The following RIPK1 variants were observed in gnomAD, a reference collection of about 807,000 sequenced individuals.
The protein encoded by RIPK1 is receptor-interacting serine/threonine-protein kinase 1.
In RIPK1, 27 loss-of-function variants were observed where a neutral mutation model predicts 62.4. That is an observed-to-expected ratio of 0.43 (90% CI 0.32 to 0.60). The LOEUF (loss-of-function observed/expected upper bound fraction) is 0.60. RIPK1 is among the 20% of genes least tolerant of loss of function. RIPK1 has a pLI of 0.07. For synonymous variants in RIPK1, 287 were observed against 303.2 expected (o/e 0.95, Z 0.55); for missense variants, 735 against 831.0 (o/e 0.88, Z 1.42).
At chr6:3,089,253 C>G (rs1190618952) in intron 6 of RIPK1, among the ~76,000 whole-genome samples, 1 of 152,172 alleles carries the variant, frequency 6.6e-6, no homozygotes, top group Non-Finnish European at 1.5e-5. Flanking sequence ...GGAACAGAAA[C>G]ATGGAGTTCG....
chr6:3,064,356 C>T (rs1758285952), upstream of RIPK1, among the ~76,000 whole-genome samples: 1 of 152,232 alleles, frequency 6.6e-6, no homozygotes, highest in Non-Finnish European at 1.5e-5. Context: ...ACCTGCCGGC[C>T]CTGTGTTCTC....
chr6:3,103,114 A>G (rs1173317344), intron 7 of RIPK1, among the ~76,000 whole-genome samples: 4 of 151,922 alleles, frequency 2.6e-5, no homozygotes, highest in African/African-American at 9.7e-5. Flanking sequence ...GAGCATCTTC[A>G]TGGCTTATTG....
intron 1 of RIPK1, among the ~76,000 whole-genome samples, chr6:3,069,491 G>A (rs1201189780): frequency 2.0e-5 from 3 of 152,174 alleles, no homozygotes; most frequent in Admixed American, 2.0e-4. Flanking sequence ...GTCTGGGGTT[G>A]TTAGTTCTTT....
At chr6:3,100,131 A>G (rs1393741125) in intron 7 of RIPK1, among the ~76,000 whole-genome samples, 2 of 152,306 alleles carry the variant, frequency 1.3e-5, no homozygotes, top group East Asian at 3.9e-4. Context: ...TTAAAGATAT[A>G]TATATTTTGG....
In RIPK1 at chr6:3,105,623, A is replaced by G; in HGVS notation, c.1148A>G (p.Asn383Ser). The G allele has an allele frequency of 1.2e-6, 2 of 1,614,128 alleles. No individual in the cohort carries two copies. Among genetic ancestry groups the G allele is most frequent in the Non-Finnish European group, 1.7e-6 (2 of 1,180,006 alleles). The stretch of plus-strand genomic sequence containing the variant: ...CAGAGTAAACTCCAAGACGAAGCCA[A>G]CTACCATCTTTATGGCAGCCGCATG... ...SLQSKLQDEA[N>S]YHLYGSRMDR... The change falls in exon 9 of 11, where the codon AAC becomes AGC. Residue 383 changes from asparagine to serine, a missense_variant. This residue lies in a region of RIPK1 where 671 missense variants were observed against 726.2 expected (regional missense o/e 0.92). Coordinates refer to ENST00000259808, the MANE Select transcript of RIPK1 (RefSeq NM_001354930.2). The surrounding 1 kb of genome is among the most constrained non-coding windows in gnomAD (Gnocchi z 4.5).
chr6:3,073,301 C>T (rs1239748139), intron 1 of RIPK1, among the ~76,000 whole-genome samples: 1 of 151,426 alleles, frequency 6.6e-6, no homozygotes, highest in Non-Finnish European at 1.5e-5. Flanking sequence ...TATACGTATA[C>T]ATACATGAAC....
intron 7 of RIPK1, among the ~76,000 whole-genome samples, chr6:3,094,547 G>A (rs1263460428): frequency 1.3e-5 from 2 of 149,502 alleles, no homozygotes; most frequent in East Asian, 3.9e-4. Context: ...TTGCAAAGGA[G>A]TACTTAATAT....
chr6:3,067,366 A>T (rs1466996029), upstream of RIPK1, among the ~76,000 whole-genome samples: 1 of 152,164 alleles, frequency 6.6e-6, no homozygotes, highest in Non-Finnish European at 1.5e-5. Flanking sequence ...CTAGGAATGT[A>T]TGGGAGTTCC....
upstream of RIPK1, among the ~76,000 whole-genome samples, chr6:3,065,403 A>G (rs1474202336): frequency 6.6e-6 from 1 of 150,900 alleles, no homozygotes; most frequent in African/African-American, 2.4e-5. Context: ...GGGAGCACAG[A>G]TGAGGTGTCC....
At chr6:3,067,965 A>C (rs1758459093), upstream of RIPK1, 1 of 152,838 alleles carries the variant, frequency 6.5e-6, no homozygotes, top group African/African-American at 2.4e-5. Context: ...GCTGGTCTCG[A>C]ACTGCTGACC....
intron 3 of RIPK1, 138 bp from the exon 4 acceptor site, chr6:3,080,841 A>C: frequency 2.0e-6 from 1 of 495,932 alleles, no homozygotes; most frequent in Non-Finnish European, 3.5e-6. Flanking sequence ...CAGTGACAGC[A>C]GTACTGTGGT....
intron 2 of RIPK1, among the ~76,000 whole-genome samples, chr6:3,077,344 A>AATT (rs1219187196): frequency 6.6e-6 from 1 of 152,156 alleles, no homozygotes; most frequent in Non-Finnish European, 1.5e-5. Context: ...CTAAGTATAA[A>AATT]AATGAAAAGG....
At position 3,110,826 on chromosome 6, in the gene RIPK1, T is replaced by C; in HGVS notation, c.1600T>C (p.Tyr534His). ...PTDESIKYTIYNSTGIQIGAY... is the reference protein window; with the variant it reads ...PTDESIKYTIHNSTGIQIGAY... ...AGATGAATCTATAAAATATACCATA[T>C]ACAATAGTACTGGCATTCAGATTGG... Residue 534 changes from tyrosine to histidine, a missense_variant, in exon 10 of 11, where the codon TAC becomes CAC. Physicochemically the swap from Tyr to His is moderately conservative, Grantham distance 83 (BLOSUM62 2). This residue lies in a region of RIPK1 where 671 missense variants were observed against 726.2 expected (regional missense o/e 0.92). Transcript: ENST00000259808. 4 of 1,585,658 alleles carry C rather than the reference T, an allele frequency of 2.5e-6. No homozygotes were observed. Among genetic ancestry groups the C allele is most frequent in the Non-Finnish European group, 3.5e-6 (4 of 1,154,478 alleles).
At position 3,113,356 on chromosome 6, in the gene RIPK1, G is replaced by C. The variant is rs1408651329; in HGVS notation, c.*17G>C. ...CAGAACTAACCCTGGATGGGCTACGGCAGCTGAAGTGGACGCCTCACTTAG... is the reference window on the plus strand; with the variant it reads ...CAGAACTAACCCTGGATGGGCTACGCCAGCTGAAGTGGACGCCTCACTTAG... On this transcript the variant is annotated 3_prime_UTR_variant, in exon 11 of 11. Transcript: ENST00000259808. This position sits in a 1 kb window ranked among gnomAD's most constrained non-coding sequence, Gnocchi z 5.0. 1.9e-6 allele frequency: 3 copies of C among 1,606,052 alleles called. No homozygotes were observed. In the South Asian group the frequency reaches 3.3e-5, roughly 18 times the overall value.
chr6:3,109,829 C>G (rs1472623417), intron 9 of RIPK1, among the ~76,000 whole-genome samples: 1 of 152,196 alleles, frequency 6.6e-6, no homozygotes, highest in Non-Finnish European at 1.5e-5. Context: ...CCATTCTACT[C>G]TCTGTTTCTG....
Position 3,113,278 on chromosome 6 carries a change from C to T in RIPK1, c.1955C>T (p.Ala652Val), listed in dbSNP as rs115355023. The change falls in exon 11 of 11, where the codon GCG becomes GTG. Residue 652 changes from alanine (A) to valine (V), a missense_variant. By Grantham distance (64) the Ala-to-Val change is moderately conservative. This residue lies in a region of RIPK1 where 64 missense variants were observed against 104.8 expected (regional missense o/e 0.61). Transcript: ENST00000259808. The surrounding 1 kb of genome is among the most constrained non-coding windows in gnomAD (Gnocchi z 5.0). ...KGATVGKLAQ[A>V]LHQCSRIDLL... The stretch of plus-strand genomic sequence containing the variant: ...GCCACGGTGGGGAAGCTGGCCCAGG[C>T]GCTCCACCAGTGTTCCAGGATCGAC... 4.0e-5 allele frequency: 65 copies of T among 1,613,986 alleles called. No individual in the cohort carries two copies. In the East Asian group the frequency reaches 7.6e-4, roughly 19 times the overall value.
chr6:3,090,826 A>ACCTGCCGCACCTAGTAACCGCAGCGCG (rs1760031147), intron 7 of RIPK1, among the ~76,000 whole-genome samples: 1 of 72,582 alleles, frequency 1.4e-5, no homozygotes, highest in African/African-American at 9.2e-5. Flanking sequence ...ACCGCAGCGC[A>ACCTGCCGCACCTAGTAACCGCAGCGCG]CCTACCTGCC....
chr6:3,110,704 C>A, intron 9 of RIPK1, 99 bp from the exon 10 acceptor site: 2 of 703,600 alleles, frequency 2.8e-6, no homozygotes, highest in African/African-American at 1.8e-5. Context: ...GGATAATTAA[C>A]TTAATGTTTG....
upstream of RIPK1, chr6:3,068,402 C>A: frequency 2.0e-6 from 2 of 985,464 alleles, no homozygotes; most frequent in African/African-American, 3.5e-5. Flanking sequence ...GGACTCAGAC[C>A]CCGGGCGCGA....
Sources: gnomAD v4.1 joint callset for allele counts (sites outside exome capture counted in the v4.1 genomes callset) on GRCh38, gnomAD v4.1.1 for gene constraint, gnomAD v4.1.1 regional missense constraint, Gnocchi (gnomAD v3.1) non-coding constraint, MANE v1.5 for transcripts, NCBI Gene and HGNC (gene_info 2026-07-23, HGNC 2026-07-21) for gene names.